The following LMOD1 variants were observed in gnomAD, a reference collection of about 807,000 sequenced individuals.
LMOD1 encodes the protein leiomodin-1.
In LMOD1, 8 loss-of-function variants were observed where a neutral mutation model predicts 36.5. That is an observed-to-expected ratio of 0.22 (90% CI 0.13 to 0.40). The LOEUF is 0.40. Among genes scored for constraint, LMOD1 ranks in the 10% least tolerant of loss-of-function variants. The probability of loss-of-function intolerance (pLI) is 1.00; values close to 1 mark genes in which losing one functional copy is unlikely to be tolerated. For missense variants in LMOD1, 630 were observed against 751.1 expected, an observed-to-expected ratio of 0.84 and a Z score of 1.88; for synonymous variants, 284 against 288.7, an observed-to-expected ratio of 0.98 and a Z score of 0.17.
At chr1:201,932,113 GT>G (rs1222943981) in intron 1 of LMOD1, among the ~76,000 whole-genome samples, 1 of 152,172 alleles carries the variant, frequency 6.6e-6, no homozygotes, top group Admixed American at 6.5e-5. Flanking sequence ...CAGGCTAGGG[GT>G]GATGGAAGGT....
intron 1 of LMOD1, among the ~76,000 whole-genome samples, chr1:201,909,899 C>T (rs189751749): frequency 6.6e-6 from 1 of 152,326 alleles, no homozygotes; most frequent in African/African-American, 2.4e-5. Flanking sequence ...AACTTTTAAC[C>T]TCTATGTTAT....
Position 201,900,553 on chromosome 1 carries a change from T to C in LMOD1, c.460A>G (p.Ile154Val). The C allele has an allele frequency of 1.9e-6, 3 of 1,613,866 alleles. No homozygotes were observed. Among genetic ancestry groups the C allele is most frequent in the Non-Finnish European group, 2.5e-6 (3 of 1,179,862 alleles). Residue 154 changes from isoleucine (I) to valine (V), a missense_variant, in exon 2 of 3, where the codon ATC becomes GTC. Transcript: ENST00000367288. ...KSGEKPKEEKIIRGIDKGRVR... is the reference protein window; with the variant it reads ...KSGEKPKEEKVIRGIDKGRVR... ...CGGCCCTTGTCAATGCCCCGGATGATCTTCTCCTCCTTGGGCTTCTCGCCA... is the reference window on the plus strand; with the variant it reads ...CGGCCCTTGTCAATGCCCCGGATGACCTTCTCCTCCTTGGGCTTCTCGCCA...
At chr1:201,912,587 G>A (rs968792392) in intron 1 of LMOD1, among the ~76,000 whole-genome samples, 5 of 152,186 alleles carry the variant, frequency 3.3e-5, no homozygotes, top group African/African-American at 4.8e-5. Flanking sequence ...AGCCAGGTGC[G>A]GTGGCTCATG....
In LMOD1 at chr1:201,900,563, C is replaced by T. The variant is rs190389158; in HGVS notation, c.450G>A (p.Lys150=). 2.0e-5 allele frequency: 33 copies of T among 1,613,858 alleles called. No individual in the cohort carries two copies. The African/African-American group carries it at 4.0e-4, about 20-fold the overall frequency. The change falls in exon 2 of 3, where the codon AAG becomes AAA. Residue 150 remains lysine, a synonymous_variant. Coordinates refer to ENST00000367288, the MANE Select transcript of LMOD1 (RefSeq NM_012134.3). ...CAATGCCCCGGATGATCTTCTCCTC[C>T]TTGGGCTTCTCGCCACTCTTGCCAC... ...EAGGKSGEKP[K]EEKIIRGIDK... is the part of the protein sequence containing the mutation.
chr1:201,898,085 T>C lies in LMOD1; in HGVS notation c.*287A>G, dbSNP rs1176618521. On this transcript the variant is annotated 3_prime_UTR_variant, in exon 3 of 3. Transcript: ENST00000367288. Reference sequence around the variant, plus strand: ...TGCAGCTTGCCAGCTACATGGGCCCTGGACAGTGCCATCTTCTCAGTGATG... The same window carrying C: ...TGCAGCTTGCCAGCTACATGGGCCCCGGACAGTGCCATCTTCTCAGTGATG... 6.1e-6 allele frequency: 3 copies of C among 488,324 alleles called. No homozygotes were observed. The highest frequency in any genetic ancestry group is 1.1e-5 in the Non-Finnish European group (3 of 271,430). The allele number at this position is 488,324 out of a possible 1,614,324, so 30.2% of individuals were successfully genotyped here.
At chr1:201,912,936 T>C (rs1681539207) in intron 1 of LMOD1, among the ~76,000 whole-genome samples, 1 of 152,026 alleles carries the variant, frequency 6.6e-6, no homozygotes, top group African/African-American at 2.4e-5. Flanking sequence ...CCAGGGTGTT[T>C]GGTTACCTGC....
At chr1:201,905,678 G>A (rs1229295868) in intron 1 of LMOD1, among the ~76,000 whole-genome samples, 1 of 152,198 alleles carries the variant, frequency 6.6e-6, no homozygotes, top group Non-Finnish European at 1.5e-5. Flanking sequence ...CCCATCACCT[G>A]AGGAGGAGGC....
At chr1:201,929,034 A>G (rs1247640020) in intron 1 of LMOD1, among the ~76,000 whole-genome samples, 2 of 150,828 alleles carry the variant, frequency 1.3e-5, no homozygotes, top group East Asian at 4.0e-4. Flanking sequence ...AATATAATTA[A>G]TATTTTCTTT....
chr1:201,928,643 AT>A (rs914921648), intron 1 of LMOD1, among the ~76,000 whole-genome samples: 2 of 152,232 alleles, frequency 1.3e-5, no homozygotes, highest in African/African-American at 4.8e-5. Context: ...TTCTCCAGAT[AT>A]TTTATGGAAG....
chr1:201,935,156 A>G (rs529483990), intron 1 of LMOD1, among the ~76,000 whole-genome samples: 3 of 152,006 alleles, frequency 2.0e-5, no homozygotes, highest in African/African-American at 4.8e-5. Flanking sequence ...AGACTGTAGG[A>G]GGGCAAGAGT....
At position 201,898,219 on chromosome 1, in the gene LMOD1, C is replaced by T. The variant is rs1681225061; in HGVS notation, c.*153G>A. 4.0e-6 allele frequency: 3 copies of T among 752,076 alleles called. No individual in the cohort carries two copies. Among genetic ancestry groups the T allele is most frequent in the South Asian group, 1.6e-5 (1 of 62,078 alleles). The allele number at this position is 752,076 out of a possible 1,614,324, so 46.6% of individuals were successfully genotyped here. A position where few individuals can be genotyped will look rare whatever the true frequency, so the allele number is the denominator to read the frequency against. On this transcript the variant is annotated 3_prime_UTR_variant, in exon 3 of 3. Transcript: ENST00000367288. The stretch of plus-strand genomic sequence containing the variant: ...AAGTGAGAAGAGATAAGGCATCCTT[C>T]CTTGAGCGTGACCCAGGCCTGGACT...
intron 1 of LMOD1, among the ~76,000 whole-genome samples, chr1:201,926,953 T>C: frequency 6.6e-6 from 1 of 152,088 alleles, no homozygotes; most frequent in African/African-American, 2.4e-5. Flanking sequence ...CAAGACCTTG[T>C]CTCAAAAACA....
intron 1 of LMOD1, among the ~76,000 whole-genome samples, chr1:201,944,524 C>T (rs1346909864): frequency 6.6e-6 from 1 of 152,140 alleles, no homozygotes; most frequent in Non-Finnish European, 1.5e-5. Context: ...CTGTATGATT[C>T]CTGATAGCTG....
intron 1 of LMOD1, among the ~76,000 whole-genome samples, chr1:201,915,714 A>G (rs2102917117): frequency 6.6e-6 from 1 of 152,214 alleles, no homozygotes; most frequent in South Asian, 2.1e-4. Context: ...CTGCACACAG[A>G]TACTACAGCC....
In LMOD1 at chr1:201,932,069, T is replaced by C. The variant is rs149203718; in HGVS notation, c.261+14011A>G. ...TGCTGGGTATGTTCAGTAGCTTGGATGCACAATAGAATTGCTAAATGGTTA... is the reference window on the plus strand; with the variant it reads ...TGCTGGGTATGTTCAGTAGCTTGGACGCACAATAGAATTGCTAAATGGTTA... On this transcript the variant is annotated intron_variant, in intron 1 of 2. Transcript: ENST00000367288. 7.7e-3 allele frequency among the ~76,000 whole-genome samples: 1,166 copies of C among 152,260 alleles called. 10 individuals carry two copies. The highest frequency in any genetic ancestry group is 0.027 in the African/African-American group (1,122 of 41,544).
intron 1 of LMOD1, among the ~76,000 whole-genome samples, chr1:201,940,464 C>G (rs1682095228): frequency 6.6e-6 from 1 of 151,946 alleles, no homozygotes; most frequent in African/African-American, 2.4e-5. Flanking sequence ...GGATTACAGG[C>G]ATGAACCACG....
chr1:201,901,811 T>G (rs900581262), intron 1 of LMOD1, among the ~76,000 whole-genome samples: 7 of 147,812 alleles, frequency 4.7e-5, no homozygotes, highest in Admixed American at 4.1e-4. Context: ...GCCCCTGCTT[T>G]TAAGGAGTAG....
intron 1 of LMOD1, among the ~76,000 whole-genome samples, chr1:201,904,879 C>T (rs972983645): frequency 6.6e-6 from 1 of 152,276 alleles, no homozygotes; most frequent in South Asian, 2.1e-4. Context: ...TCCTCGGAGC[C>T]GGCACATAGC....
At chr1:201,913,598 C>A (rs1681548895) in intron 1 of LMOD1, among the ~76,000 whole-genome samples, 1 of 152,174 alleles carries the variant, frequency 6.6e-6, no homozygotes, top group Non-Finnish European at 1.5e-5. Context: ...CAGAGCCAGA[C>A]TCTGTCTCAA....
Sources: allele counts gnomAD v4.1 joint callset (sites outside exome capture counted in the v4.1 genomes callset), GRCh38; gene constraint gnomAD v4.1.1; transcripts MANE v1.5; gene names NCBI Gene and HGNC (gene_info 2026-07-23, HGNC 2026-07-21).